The following ATG7 variants were observed in gnomAD, a reference collection of about 807,000 sequenced individuals.
ATG7 encodes autophagy related 7.
ATG7 carries 70 observed loss-of-function variants against 82.4 expected under a neutral mutation model. The observed-to-expected ratio is 0.85, with a 90% confidence interval of 0.70 to 1.04. The LOEUF (loss-of-function observed/expected upper bound fraction) is 1.04, where lower values mean the gene tolerates loss of function less well. Ranked by LOEUF, ATG7 falls within the 50% of genes least tolerant of loss-of-function variation. The probability of loss-of-function intolerance (pLI) is 0.00; values close to 1 mark genes in which losing one functional copy is unlikely to be tolerated. For synonymous variants in ATG7, 287 were observed against 313.0 expected, an observed-to-expected ratio of 0.92 and a Z score of 0.88; for missense variants, 792 against 864.3, an observed-to-expected ratio of 0.92 and a Z score of 1.05.
chr3:11,455,695 C>T (rs1576536091), intron 20 of ATG7, among the ~76,000 whole-genome samples: 1 of 152,168 alleles, frequency 6.6e-6, no homozygotes, highest in South Asian at 2.1e-4. Flanking sequence ...TCAGAGTTAG[C>T]CCGAGCTGGC....
At chr3:11,378,711 T>C (rs949242805) in intron 18 of ATG7, among the ~76,000 whole-genome samples, 6 of 109,894 alleles carry the variant, frequency 5.5e-5, no homozygotes, top group Admixed American at 2.8e-4. Flanking sequence ...AAAAAAAAAT[T>C]GCTGTAGGCA....
chr3:11,569,324 A>G, the ATG7 span, among the ~76,000 whole-genome samples: 14 of 152,174 alleles, frequency 9.2e-5, no homozygotes, highest in South Asian at 4.1e-4. Flanking sequence ...TGGGTACAAG[A>G]CATTTTGAGG....
Position 11,510,425 on chromosome 3 carries a change from G to C in ATG7, c.2080-44386G>C, listed in dbSNP as rs1212947419. 11 of 373,290 alleles carry C rather than the reference G, an allele frequency of 2.9e-5. No homozygotes were observed. The East Asian group carries it at 8.7e-4, about 29-fold the overall frequency. 23.1% of individuals were successfully genotyped at this position (373,290 alleles called of 1,614,324 possible). On this transcript the variant is annotated intron_variant, in intron 20 of 20. Coordinates refer to ENST00000693202, the MANE Select transcript of ATG7 (RefSeq NM_001349232.2). ...TGAGTTACTGCTACTGAACCAAAGG[G>C]CCTCATTCGAGGTCTTCTTTCTCCC...
chr3:11,394,039 G>A (rs982534158), intron 19 of ATG7, among the ~76,000 whole-genome samples: 14 of 152,076 alleles, frequency 9.2e-5, no homozygotes, highest in African/African-American at 3.4e-4. Context: ...CTGGTATTGT[G>A]GAGATGTTGT....
At chr3:11,419,977 T>C (rs1413055249) in intron 19 of ATG7, among the ~76,000 whole-genome samples, 1 of 152,226 alleles carries the variant, frequency 6.6e-6, no homozygotes, top group Admixed American at 6.5e-5. Context: ...CAAAATGTAA[T>C]GTATACCCTT....
At chr3:11,329,181 A>T (rs1301497760) in intron 9 of ATG7, among the ~76,000 whole-genome samples, 1 of 152,238 alleles carries the variant, frequency 6.6e-6, no homozygotes, top group Admixed American at 6.5e-5. Flanking sequence ...AAATATATTT[A>T]TGCAAAGAAT....
chr3:11,414,583 T>A (rs1050103427), intron 19 of ATG7, among the ~76,000 whole-genome samples: 1 of 152,240 alleles, frequency 6.6e-6, no homozygotes, highest in African/African-American at 2.4e-5. Context: ...TATTATGATG[T>A]TGAAAAGGAG....
At chr3:11,541,104 G>T (rs1289691836) in intron 20 of ATG7, among the ~76,000 whole-genome samples, 3 of 152,124 alleles carry the variant, frequency 2.0e-5, no homozygotes, top group Admixed American at 6.5e-5. Flanking sequence ...GTTTCACCAT[G>T]TTAGCCAGGA....
chr3:11,346,513 T>G (rs1954572849), intron 13 of ATG7: 1 of 152,228 alleles, frequency 6.6e-6, no homozygotes, highest in African/African-American at 2.4e-5. Flanking sequence ...GTGATTTTCT[T>G]TAATCTTTGC....
At chr3:11,535,207 C>T (rs912830591) in intron 20 of ATG7, among the ~76,000 whole-genome samples, 7 of 152,218 alleles carry the variant, frequency 4.6e-5, no homozygotes, top group African/African-American at 1.7e-4. Context: ...AGCTGAGTGC[C>T]CAGCCCTTTG....
intron 17 of ATG7, 25 bp downstream of exon 17, chr3:11,362,953 T>C: frequency 6.3e-7 from 1 of 1,598,272 alleles, no homozygotes; most frequent in Non-Finnish European, 8.6e-7. Flanking sequence ...AGGAGATGAG[T>C]ATTTAAACAA....
intron 20 of ATG7, among the ~76,000 whole-genome samples, chr3:11,437,828 T>C (rs1051242604): frequency 2.0e-5 from 3 of 152,210 alleles, no homozygotes; most frequent in Admixed American, 2.0e-4. Context: ...AATTTTAGCA[T>C]GAATCTGCTA....
chr3:11,277,900 C>G (rs150279792), intron 1 of ATG7, among the ~76,000 whole-genome samples: 2,621 of 134,524 alleles, frequency 0.019, 280 homozygotes, highest in Non-Finnish European at 0.033. Flanking sequence ...GACCCCCCCC[C>G]CCCCACCAGG....
chr3:11,508,216 C>G (rs1030544736), intron 20 of ATG7, among the ~76,000 whole-genome samples: 2 of 151,902 alleles, frequency 1.3e-5, no homozygotes, highest in Admixed American at 6.6e-5. Flanking sequence ...GGTGCCAGTT[C>G]GTGAGGCACA....
intron 5 of ATG7, among the ~76,000 whole-genome samples, chr3:11,303,637 C>T (rs566974834): frequency 9.1e-4 from 137 of 151,122 alleles, no homozygotes; most frequent in Admixed American, 1.4e-3. Flanking sequence ...CACTGCACTC[C>T]GGCCTGGGCG....
At chr3:11,288,901 C>T (rs562020011) in intron 3 of ATG7, among the ~76,000 whole-genome samples, 2 of 152,306 alleles carry the variant, frequency 1.3e-5, no homozygotes, top group South Asian at 4.1e-4. Context: ...TCAGTTTAAT[C>T]TTGACTGAAC....
intron 19 of ATG7, among the ~76,000 whole-genome samples, chr3:11,416,492 C>T (rs1457094260): frequency 2.0e-5 from 3 of 151,928 alleles, no homozygotes; most frequent in Admixed American, 1.3e-4. Flanking sequence ...TTTCTAGATA[C>T]GGAGTTGTTG....
intron 20 of ATG7, among the ~76,000 whole-genome samples, chr3:11,427,406 C>T (rs1292852938): frequency 6.6e-6 from 1 of 152,006 alleles, no homozygotes; most frequent in African/African-American, 2.4e-5. Flanking sequence ...CATGAAATGG[C>T]TTCCCCAGAC....
chr3:11,300,928 G>C (rs1232914448), intron 5 of ATG7, among the ~76,000 whole-genome samples: 1 of 152,172 alleles, frequency 6.6e-6, no homozygotes, highest in East Asian at 1.9e-4. Flanking sequence ...GTATTAAATA[G>C]AGTTTTGATT....
Sources: gnomAD v4.1 joint callset for allele counts (sites outside exome capture counted in the v4.1 genomes callset) on GRCh38, gnomAD v4.1.1 for gene constraint, MANE v1.5 for transcripts, NCBI Gene and HGNC (gene_info 2026-07-23, HGNC 2026-07-21) for gene names.